The following NSUN7 variants were observed in gnomAD, a reference collection of about 807,000 sequenced individuals.
NSUN7 encodes the protein protein NSUN7.
Under a neutral mutation model 58.5 loss-of-function variants are expected in NSUN7, and 39 were observed. The observed-to-expected ratio is 0.67, with a 90% confidence interval of 0.52 to 0.87. The LOEUF (loss-of-function observed/expected upper bound fraction) is 0.87. Among genes scored for constraint, NSUN7 ranks in the 40% least tolerant of loss-of-function variants. The probability of loss-of-function intolerance (pLI) is 0.00; values close to 1 mark genes in which losing one functional copy is unlikely to be tolerated. For synonymous variants in NSUN7, 278 were observed against 303.7 expected (o/e 0.92, Z 0.88); for missense variants, 765 against 844.1 (o/e 0.91, Z 1.16).
Position 40,780,317 on chromosome 4 carries a change from A to G in NSUN7, c.1036+4058A>G, listed in dbSNP as rs142079419. ...ATCAATCAATCAATCAATAAAGGAG[A>G]GAAGACCAGGCACAATGGCTCATTC... On this transcript the variant is annotated intron_variant, in intron 7 of 11. Coordinates refer to ENST00000381782, the MANE Select transcript of NSUN7 (RefSeq NM_024677.6). 7.0e-3 allele frequency among the ~76,000 whole-genome samples: 1,060 copies of G among 151,830 alleles called. 7 individuals carry two copies. Among genetic ancestry groups the G allele is most frequent in the Non-Finnish European group, 0.012 (814 of 67,834 alleles).
At chr4:40,752,137 C>T (rs1545077) in intron 2 of NSUN7, among the ~76,000 whole-genome samples, 116,471 of 152,166 alleles carry the variant, frequency 0.77, 44,946 homozygotes, top group Middle Eastern at 0.84. Flanking sequence ...AAAGAAGTTC[C>T]AGAAATGTTT....
intron 7 of NSUN7, among the ~76,000 whole-genome samples, chr4:40,783,049 C>T (rs980363985): frequency 6.6e-6 from 1 of 151,994 alleles, no homozygotes; most frequent in Non-Finnish European, 1.5e-5. Context: ...ATTTAAGGAA[C>T]CCAGAATAGC....
intron 7 of NSUN7, chr4:40,786,296 C>G: frequency 6.2e-7 from 1 of 1,613,028 alleles, no homozygotes; most frequent in Admixed American, 1.7e-5. Context: ...ATTAAGGTAA[C>G]CTTGGGAAAT....
chr4:40,809,025 C>T lies in NSUN7; in HGVS notation c.*86C>T. ...TCTCTGAAGATTCTACATCTCTACA[C>T]AAGATATTCATTCTTTTGGTCACCT... On this transcript the variant is annotated 3_prime_UTR_variant, in exon 12 of 12. Coordinates refer to ENST00000381782, the MANE Select transcript of NSUN7 (RefSeq NM_024677.6). 3 of 1,310,636 alleles carry T rather than the reference C, an allele frequency of 2.3e-6. No homozygotes were observed. The highest frequency in any genetic ancestry group is 3.0e-6 in the Non-Finnish European group (3 of 986,574). 81.2% of individuals were successfully genotyped at this position (1,310,636 alleles called of 1,614,324 possible).
Position 40,794,554 on chromosome 4 carries a change from A to G in NSUN7, c.1282+78A>G, listed in dbSNP as rs1743236658. 3.5e-6 allele frequency: 3 copies of G among 857,666 alleles called. No individual in the cohort carries two copies. In the South Asian group the frequency reaches 4.8e-5, roughly 14 times the overall value. 53.1% of individuals were successfully genotyped at this position (857,666 alleles called of 1,614,324 possible). On this transcript the variant is annotated intron_variant, in intron 9 of 11. Transcript: ENST00000381782. ...TATTAGTCTTTCACGATCTATTATAATCAAGCAATGAAGTGTGAGCCATGA... is the reference window on the plus strand; with the variant it reads ...TATTAGTCTTTCACGATCTATTATAGTCAAGCAATGAAGTGTGAGCCATGA...
chr4:40,789,546 A>G (rs961995600), intron 7 of NSUN7, among the ~76,000 whole-genome samples: 1 of 96,166 alleles, frequency 1.0e-5, no homozygotes, highest in Non-Finnish European at 1.9e-5. Flanking sequence ...ATGTGGTACT[A>G]TTTATAGATT....
chr4:40,798,323 T>A (rs1353662818), intron 9 of NSUN7, among the ~76,000 whole-genome samples: 1 of 152,182 alleles, frequency 6.6e-6, no homozygotes, highest in African/African-American at 2.4e-5. Context: ...GAATTGCAGG[T>A]GGTAGTATTA....
chr4:40,761,949 G>A (rs1183695906), intron 4 of NSUN7, among the ~76,000 whole-genome samples: 1 of 152,190 alleles, frequency 6.6e-6, no homozygotes, highest in African/African-American at 2.4e-5. Flanking sequence ...CAGAATTCAT[G>A]TATTGGAAAC....
rs1577577390 is a variant in NSUN7 at position 40,792,499 on chromosome 4, C to T, written c.1180+1754C>T. Among the ~76,000 whole-genome samples, 5 of 152,198 alleles carry T rather than the reference C, an allele frequency of 3.3e-5. 1 individual carries two copies. The South Asian group carries it at 8.3e-4, about 25-fold the overall frequency. ...GGGAGCGGTGGCTCACGCCTGTAATCCCAGCACTTTGGGAGGCCGAGGAGG... is the reference window on the plus strand; with the variant it reads ...GGGAGCGGTGGCTCACGCCTGTAATTCCAGCACTTTGGGAGGCCGAGGAGG... On this transcript the variant is annotated intron_variant, in intron 8 of 11. Transcript: ENST00000381782.
At chr4:40,787,377 GAA>G (rs1742881122) in intron 7 of NSUN7, among the ~76,000 whole-genome samples, 3 of 144,730 alleles carry the variant, frequency 2.1e-5, no homozygotes, top group East Asian at 3.9e-4. Context: ...GTAAAAAAAA[GAA>G]AATATAATTT....
At chr4:40,801,734 C>CA (rs1239620894) in intron 10 of NSUN7, among the ~76,000 whole-genome samples, 2 of 151,194 alleles carry the variant, frequency 1.3e-5, no homozygotes, top group East Asian at 1.9e-4. Flanking sequence ...CTCATCTCTA[C>CA]AAAAAAATAC....
rs1293655195 is a variant in NSUN7, at chr4:40,751,037, G to A, written c.298+46G>A. The A allele has an allele frequency of 3.8e-6, 6 of 1,589,730 alleles. No homozygotes were observed. The African/African-American group carries it at 5.4e-5, about 14-fold the overall frequency. ...AGATCAACACTAAAAGAAAATAATA[G>A]CGAGAGAATTTGGGGAATGCAGCCC... is the stretch of plus-strand genomic sequence containing the variant. On this transcript the variant is annotated intron_variant, in intron 2 of 11. Coordinates refer to ENST00000381782, the MANE Select transcript of NSUN7 (RefSeq NM_024677.6).
At chr4:40,772,771 C>CAGTA (rs1005217417) in intron 4 of NSUN7, among the ~76,000 whole-genome samples, 11 of 152,320 alleles carry the variant, frequency 7.2e-5, no homozygotes, top group African/African-American at 2.6e-4. Flanking sequence ...GTGGGCCTGA[C>CAGTA]AGTAATTCCC....
chr4:40,806,511 T>C (rs951686225), intron 10 of NSUN7, among the ~76,000 whole-genome samples: 4 of 152,218 alleles, frequency 2.6e-5, no homozygotes, highest in African/African-American at 4.8e-5. Context: ...TTGAGATTTT[T>C]CTGACACAAA....
chr4:40,804,806 C>T (rs1475269185), intron 10 of NSUN7, among the ~76,000 whole-genome samples: 1 of 152,102 alleles, frequency 6.6e-6, no homozygotes, highest in Non-Finnish European at 1.5e-5. Context: ...TTAATTTGCT[C>T]ACCTGGTCTC....
At chr4:40,751,953 G>A (rs1740857132) in intron 2 of NSUN7, among the ~76,000 whole-genome samples, 1 of 152,144 alleles carries the variant, frequency 6.6e-6, no homozygotes, top group South Asian at 2.1e-4. Context: ...CCAAGATGGT[G>A]TCATTGCACT....
intron 7 of NSUN7, among the ~76,000 whole-genome samples, chr4:40,784,423 T>C (rs1373190760): frequency 6.6e-6 from 1 of 152,216 alleles, no homozygotes; most frequent in African/African-American, 2.4e-5. Context: ...ATCCATACAA[T>C]GGAAGAGTAT....
At chr4:40,780,809 ATATATTTTTTTTTTTTTT>A (rs1742519234) in intron 7 of NSUN7, among the ~76,000 whole-genome samples, 4 of 99,434 alleles carry the variant, frequency 4.0e-5, no homozygotes, top group African/African-American at 1.6e-4. Flanking sequence ...ATATATATAT[ATATATTTTTTTTTTTTTT>A]TTTTTTTTTT....
chr4:40,790,824 A>G (rs570906280), intron 8 of NSUN7, 79 bp downstream of exon 8: 3 of 1,076,540 alleles, frequency 2.8e-6, no homozygotes, highest in East Asian at 2.7e-5. Context: ...TTAAAATAGC[A>G]TATCAAATAC....
Sources: allele counts gnomAD v4.1 joint callset (sites outside exome capture counted in the v4.1 genomes callset), GRCh38; gene constraint gnomAD v4.1.1; transcripts MANE v1.5; gene names NCBI Gene and HGNC (gene_info 2026-07-23, HGNC 2026-07-21).